DNAI4: variants seen among roughly 807,000 people sequenced by gnomAD.
The protein encoded by DNAI4 is dynein axonemal intermediate chain 4.
A neutral mutation model predicts 105.8 loss-of-function variants in DNAI4; 85 were observed. The observed-to-expected ratio is 0.80, with a 90% CI of 0.67 to 0.96. DNAI4 has a LOEUF of 0.96. DNAI4 is among the 40% of genes least tolerant of loss of function. The pLI is 0.00. For missense variants in DNAI4, 1,014 were observed against 1,005.6 expected (o/e 1.01, Z -0.11); for synonymous variants, 352 against 331.5 (o/e 1.06, Z -0.67).
At chr1:66,871,890 GTTA>G (rs1341826125) in intron 5 of DNAI4, among the ~76,000 whole-genome samples, 2 of 152,108 alleles carry the variant, frequency 1.3e-5, no homozygotes, top group Non-Finnish European at 1.5e-5. Context: ...TGAGATTTAT[GTTA>G]TTAACTTTAT....
Position 66,813,049 on chromosome 1 carries a change from C to T in DNAI4, c.*1081G>A, listed in dbSNP as rs191517455. On this transcript the variant is annotated 3_prime_UTR_variant, in exon 17 of 17. Coordinates refer to ENST00000371026, the MANE Select transcript of DNAI4 (RefSeq NM_024763.5). ...CTAAATCCATGTAAAATTTGCCTTG[C>T]TTTTGTTTAAGGGATTGGTCCAAAC... The T allele has an allele frequency of 7.2e-5, 11 of 152,426 alleles. No individual in the cohort carries two copies. The highest frequency in any genetic ancestry group is 1.0e-4 in the Non-Finnish European group (7 of 68,022). The allele number at this position is 152,426 out of a possible 1,614,324, so 9.4% of individuals were successfully genotyped here. A position where few individuals can be genotyped will look rare whatever the true frequency, so the allele number is the denominator to read the frequency against.
rs759767089 is a variant in DNAI4 at position 66,924,790 on chromosome 1, A to G, written c.42T>C (p.Ala14=). 5 of 1,614,116 alleles carry G rather than the reference A, an allele frequency of 3.1e-6. No homozygotes were observed. The highest frequency in any genetic ancestry group is 2.2e-5 in the South Asian group (2 of 91,086). The change falls in exon 1 of 17, where the codon GCT becomes GCC. Residue 14 remains alanine (A), a synonymous_variant. Transcript: ENST00000371026. ...GKHSGASARA[A]NGGAWGYRDF... ...CCCTGTACCCCCAAGCTCCTCCGTT[A>G]GCGGCTCGGGCCGAGGCTCCGGAAT...
intron 6 of DNAI4, among the ~76,000 whole-genome samples, chr1:66,862,806 C>A (rs1230101680): frequency 3.9e-5 from 6 of 152,198 alleles, no homozygotes; most frequent in African/African-American, 1.4e-4. Context: ...ACCTCTACAG[C>A]ATAATCTCAT....
intron 2 of DNAI4, chr1:66,904,850 C>A (rs937003411): frequency 4.3e-6 from 1 of 235,162 alleles, no homozygotes; most frequent in Admixed American, 5.6e-5. Flanking sequence ...TCTAGTAAGG[C>A]AAAATAACTG....
chr1:66,916,088 A>AG (rs1223696794), intron 1 of DNAI4, among the ~76,000 whole-genome samples: 1 of 151,428 alleles, frequency 6.6e-6, no homozygotes, highest in East Asian at 1.9e-4. Context: ...CTGTCTAAAA[A>AG]AAAAAAAAAA....
rs574028834 is a variant in DNAI4, at chr1:66,914,373, A to C, written c.171-8998T>G. 4.6e-5 allele frequency among the ~76,000 whole-genome samples: 7 copies of C among 152,302 alleles called. No homozygotes were observed. In the East Asian group the frequency reaches 1.4e-3, roughly 29 times the overall value. On this transcript the variant is annotated intron_variant, in intron 1 of 16. Transcript: ENST00000371026. ...TGCTGTTACTTTTCTGTTAAGATAA[A>C]AACCAGTTTTGATCCAACAAGTTCT...
intron 2 of DNAI4, among the ~76,000 whole-genome samples, chr1:66,903,263 T>C (rs1215146498): frequency 6.6e-6 from 1 of 152,212 alleles, no homozygotes; most frequent in African/African-American, 2.4e-5. Flanking sequence ...TCCTTTGTTA[T>C]GTTTATCCCT....
intron 5 of DNAI4, among the ~76,000 whole-genome samples, chr1:66,872,717 C>CTATT: frequency 6.6e-6 from 1 of 151,672 alleles, no homozygotes; most frequent in Non-Finnish European, 1.5e-5. Flanking sequence ...TCTTATTTAT[C>CTATT]TATTTATTTA....
At position 66,875,007 on chromosome 1, in the gene DNAI4, A is replaced by C. The variant is rs139921701; in HGVS notation, c.644-70T>G. 1,419 of 1,357,420 alleles carry C rather than the reference A, an allele frequency of 1.0e-3. 10 individuals carry two copies. In the African/African-American group the frequency reaches 0.018, roughly 17 times the overall value. 84.1% of individuals were successfully genotyped at this position (1,357,420 alleles called of 1,614,324 possible). ...TTAATTTGCATTTTTCCTTCTAGTCACCAATATACCATAATGGGTAATATA... is the reference window on the plus strand; with the variant it reads ...TTAATTTGCATTTTTCCTTCTAGTCCCCAATATACCATAATGGGTAATATA... On this transcript the variant is annotated intron_variant, in intron 4 of 16. Transcript: ENST00000371026.
At chr1:66,825,281 G>A (rs968334408) in intron 15 of DNAI4, among the ~76,000 whole-genome samples, 2 of 143,658 alleles carry the variant, frequency 1.4e-5, no homozygotes, top group Admixed American at 7.4e-5. Context: ...CCGGGTTCAC[G>A]CCATTCTCCT....
chr1:66,914,191 G>A (rs890150679), intron 1 of DNAI4, among the ~76,000 whole-genome samples: 3 of 152,162 alleles, frequency 2.0e-5, no homozygotes, highest in African/African-American at 7.2e-5. Flanking sequence ...CATCTTTCTA[G>A]CATTCCATAG....
At chr1:66,924,521 T>C in intron 1 of DNAI4, 141 bp downstream of exon 1, 1 of 1,132,802 alleles carries the variant, frequency 8.8e-7, no homozygotes, top group Non-Finnish European at 1.3e-6. Context: ...GGAGACATTG[T>C]GGCCTAGGAG....
chr1:66,830,623 T>A (rs1645845056), intron 13 of DNAI4, among the ~76,000 whole-genome samples: 1 of 151,102 alleles, frequency 6.6e-6, no homozygotes, highest in African/African-American at 2.4e-5. Flanking sequence ...CTAAAAAAAA[T>A]TCAAAAAAGT....
At chr1:66,922,061 C>T (rs1650526890) in intron 1 of DNAI4, among the ~76,000 whole-genome samples, 2 of 151,986 alleles carry the variant, frequency 1.3e-5, no homozygotes, top group African/African-American at 4.8e-5. Flanking sequence ...CCACGCCTGG[C>T]TCAATGTTTT....
intron 6 of DNAI4, chr1:66,870,747 G>GA (rs1646827034): frequency 5.1e-5 from 1 of 19,436 alleles, no homozygotes; most frequent in African/African-American, 2.4e-4. Flanking sequence ...AGACTCTGAC[G>GA]CAAAAAAAAA....
intron 10 of DNAI4, 105 bp from the exon 11 acceptor site, chr1:66,835,882 G>A: frequency 1.1e-6 from 1 of 928,750 alleles, no homozygotes; most frequent in Non-Finnish European, 1.7e-6. Context: ...TATGTGAGCA[G>A]AGTTAGCCCA....
At chr1:66,835,965 T>C in intron 10 of DNAI4, among the ~76,000 whole-genome samples, 188 bp from the exon 11 acceptor site, 1 of 151,646 alleles carries the variant, frequency 6.6e-6, no homozygotes, top group East Asian at 1.9e-4. Flanking sequence ...TTTCCTTTGA[T>C]ACAAGTATGA....
At chr1:66,817,375 T>G (rs1645539415) in intron 16 of DNAI4, among the ~76,000 whole-genome samples, 1 of 152,012 alleles carries the variant, frequency 6.6e-6, no homozygotes, top group Non-Finnish European at 1.5e-5. Context: ...GAGTTCGAGA[T>G]GAGTCTGGAT....
At chr1:66,905,002 TC>T (rs1351478343) in intron 2 of DNAI4, 198 bp downstream of exon 2, 5 of 430,158 alleles carry the variant, frequency 1.2e-5, no homozygotes, top group African/African-American at 1.0e-4. Context: ...ACTCTAATAT[TC>T]TTCTTATCAA....
Sources: allele counts gnomAD v4.1 joint callset (sites outside exome capture counted in the v4.1 genomes callset), GRCh38; gene constraint gnomAD v4.1.1; transcripts MANE v1.5; gene names NCBI Gene and HGNC (gene_info 2026-07-23, HGNC 2026-07-21).